The following SLC5A2 variants were observed in gnomAD, a reference collection of about 807,000 sequenced individuals.
The protein encoded by SLC5A2 is sodium/glucose cotransporter 2.
In SLC5A2, 67 loss-of-function variants were observed where a neutral mutation model predicts 69.0. That is an observed-to-expected ratio of 0.97 (90% CI 0.80 to 1.19). The LOEUF (loss-of-function observed/expected upper bound fraction) is 1.19, where lower values mean the gene tolerates loss of function less well. SLC5A2 is among the 50% of genes most tolerant of loss of function. The pLI, the probability that SLC5A2 is intolerant of heterozygous loss-of-function variation, is 0.00. For synonymous variants in SLC5A2, 455 were observed against 395.8 expected, an observed-to-expected ratio of 1.15 and a Z score of -1.78; for missense variants, 1,001 against 921.5, an observed-to-expected ratio of 1.09 and a Z score of -1.12.
rs374029198 is a variant in SLC5A2, at chr16:31,488,416, G to A, written c.1055G>A (p.Arg352Lys). 3 of 1,611,704 alleles carry A rather than the reference G, an allele frequency of 1.9e-6. No individual in the cohort carries two copies. Among genetic ancestry groups the A allele is most frequent in the Non-Finnish European group, 2.5e-6 (3 of 1,179,784 alleles). ...GCGTGCGTGGTGCCTGAGGTGTGCA[G>A]GCGCGTGTGCGGCACGGAGGTGGGC... ...EVACVVPEVC[R>K]RVCGTEVGCS... Residue 352 changes from arginine to lysine, a missense_variant, in exon 9 of 14, where the codon AGG (arginine) becomes AAG (lysine). Physicochemically the swap from Arg to Lys is conservative, Grantham distance 26. Transcript: ENST00000330498.
Position 31,487,313 on chromosome 16 carries a change from G to C in SLC5A2, c.575-7G>C, listed in dbSNP as rs1304916317. 1 of 1,613,830 alleles carries C rather than the reference G, an allele frequency of 6.2e-7. No individual in the cohort carries two copies. On this transcript the variant is annotated splice_polypyrimidine_tract_variant and splice_region_variant and intron_variant, in intron 5 of 13. Transcript: ENST00000330498. ...CTGGGCTGTCCCCTGACCCCGGCCT[G>C]TTGCAGGAGGGCTGGCCGCGCTGAT...
At position 31,488,994 on chromosome 16, in the gene SLC5A2, G is replaced by T; in HGVS notation, c.1395G>T (p.Pro465=). The T allele has an allele frequency of 6.2e-7, 1 of 1,600,762 alleles. No homozygotes were observed. The highest frequency in any genetic ancestry group is 8.5e-7 in the Non-Finnish European group (1 of 1,179,848). Residue 465 remains proline (P), a synonymous_variant, in exon 11 of 14, where the codon CCG becomes CCT. Coordinates refer to ENST00000330498, the MANE Select transcript of SLC5A2 (RefSeq NM_003041.4). ...YIQAVSSYLA[P]PVSAVFVLAL... ...AGGCAGTCTCTAGCTACCTGGCACC[G>T]CCCGTGTCCGCCGTCTTCGTGCTGG... is the stretch of plus-strand genomic sequence containing the variant.
intron 12 of SLC5A2, chr16:31,489,792 C>A: frequency 2.2e-6 from 1 of 459,760 alleles, no homozygotes; most frequent in Non-Finnish European, 4.0e-6. Context: ...AGCACACAGG[C>A]ACAGAACACT....
At chr16:31,489,891 C>T (rs746975838) in intron 12 of SLC5A2, 9 of 616,602 alleles carry the variant, frequency 1.5e-5, no homozygotes, top group South Asian at 5.4e-5. Flanking sequence ...GCAAGGCCAA[C>T]GGCTTTAAAC....
At position 31,488,937 on chromosome 16, in the gene SLC5A2, G is replaced by A. The variant is rs1032324819; in HGVS notation, c.1338G>A (p.Ala446=). Residue 446 remains alanine, a synonymous_variant, in exon 11 of 14, where the codon GCG becomes GCA. Transcript: ENST00000330498. Reference sequence around the variant, plus strand: ...TGGCCTGGCTTCCCGTGGTGCAGGCGGCACAGGGCGGGCAGCTCTTCGATT... The same window carrying A: ...TGGCCTGGCTTCCCGTGGTGCAGGCAGCACAGGGCGGGCAGCTCTTCGATT... The part of the protein sequence containing the change: ...VSVAWLPVVQ[A]AQGGQLFDYI... 2 of 1,604,250 alleles carry A rather than the reference G, an allele frequency of 1.2e-6. No homozygotes were observed. Among genetic ancestry groups the A allele is most frequent in the Non-Finnish European group, 1.7e-6 (2 of 1,179,870 alleles).
At chr16:31,485,079 C>A in intron 3 of SLC5A2, 156 bp downstream of exon 3, 2 of 765,940 alleles carry the variant, frequency 2.6e-6, no homozygotes, top group Non-Finnish European at 4.5e-6. Flanking sequence ...ATACATCTAG[C>A]CAGGAAGCAG....
Position 31,489,236 on chromosome 16 carries a change from C to A in SLC5A2, c.1563C>A (p.Leu521=). 1 of 1,610,544 alleles carries A rather than the reference C, an allele frequency of 6.2e-7. No homozygotes were observed. The highest frequency in any genetic ancestry group is 1.1e-5 in the South Asian group (1 of 91,092). The change falls in exon 12 of 14, where the codon CTC becomes CTA. Residue 521 remains leucine (L), a synonymous_variant. Coordinates refer to ENST00000330498, the MANE Select transcript of SLC5A2 (RefSeq NM_003041.4). ...AGCCCTCGGCGTGCCCAGCTTTCCT[C>A]TGCGGCGTGCACTACCTCTACTTCG... is the stretch of plus-strand genomic sequence containing the variant. ...CVQPSACPAF[L]CGVHYLYFAI...
chr16:31,490,178 C>A lies in SLC5A2; in HGVS notation c.1740C>A (p.Gly580=), dbSNP rs745742859. The A allele has an allele frequency of 1.2e-6, 2 of 1,614,202 alleles. No homozygotes were observed. Among genetic ancestry groups the A allele is most frequent in the Non-Finnish European group, 8.5e-7 (1 of 1,180,032 alleles). The change falls in exon 13 of 14, where the codon GGC becomes GGA. Residue 580 remains glycine (G), a synonymous_variant. Coordinates refer to ENST00000330498, the MANE Select transcript of SLC5A2 (RefSeq NM_003041.4). ...ACCTGGATGCTGATGAGCAGCAAGG[C>A]TCCTCACTCCCTGTACAGAATGGGT... ...REDLDADEQQ[G]SSLPVQNGCP...
chr16:31,488,170 C>A lies in SLC5A2; in HGVS notation c.1018C>A (p.Pro340Thr), dbSNP rs747900188. The change falls in exon 8 of 14, where the codon CCA (proline) becomes ACA (threonine). Residue 340 changes from proline (P) to threonine (T), a missense_variant. Physicochemically the swap from Pro to Thr is conservative, Grantham distance 38. Coordinates refer to ENST00000330498, the MANE Select transcript of SLC5A2 (RefSeq NM_003041.4). Reference protein sequence around the residue: ...MPGMISRILYPDEVACVVPEV... With the variant: ...MPGMISRILYTDEVACVVPEV... ...AGGCATGATCAGCCGCATTCTGTAC[C>A]CAGGTAACATCCCTGCCCCGCCCCT... The A allele has an allele frequency of 6.2e-7, 1 of 1,614,030 alleles. No homozygotes were observed. The highest frequency in any genetic ancestry group is 1.1e-5 in the South Asian group (1 of 91,086).
rs757410874 is a variant in SLC5A2, at chr16:31,488,972, C to T, written c.1373C>T (p.Ala458Val). ...GGGCAGCTCTTCGATTACATCCAGG[C>T]AGTCTCTAGCTACCTGGCACCGCCC... Reference protein sequence around the residue: ...QGGQLFDYIQAVSSYLAPPVS... With the variant: ...QGGQLFDYIQVVSSYLAPPVS... The change falls in exon 11 of 14, where the codon GCA (alanine) becomes GTA (valine). Residue 458 changes from alanine to valine, a missense_variant. Transcript: ENST00000330498. The T allele has an allele frequency of 1.2e-6, 2 of 1,602,000 alleles. No individual in the cohort carries two copies. The highest frequency in any genetic ancestry group is 2.2e-5 in the East Asian group (1 of 44,872).
Position 31,488,972 on chromosome 16 carries a change from C to G in SLC5A2, c.1373C>G (p.Ala458Gly), listed in dbSNP as rs757410874. 30 of 1,601,882 alleles carry G rather than the reference C, an allele frequency of 1.9e-5. No homozygotes were observed. The highest frequency in any genetic ancestry group is 2.5e-5 in the Non-Finnish European group (29 of 1,179,858). ...GGGCAGCTCTTCGATTACATCCAGG[C>G]AGTCTCTAGCTACCTGGCACCGCCC... Reference protein sequence around the residue: ...QGGQLFDYIQAVSSYLAPPVS... With the variant: ...QGGQLFDYIQGVSSYLAPPVS... Residue 458 changes from alanine to glycine, a missense_variant, in exon 11 of 14, where the codon GCA becomes GGA. Coordinates refer to ENST00000330498, the MANE Select transcript of SLC5A2 (RefSeq NM_003041.4).
Position 31,488,190 on chromosome 16 carries a change from G to A in SLC5A2, c.1021+17G>A, listed in dbSNP as rs765985844. 2 of 1,613,944 alleles carry A rather than the reference G, an allele frequency of 1.2e-6. No individual in the cohort carries two copies. Among genetic ancestry groups the A allele is most frequent in the Non-Finnish European group, 1.7e-6 (2 of 1,179,956 alleles). On this transcript the variant is annotated intron_variant, in intron 8 of 13. Transcript: ENST00000330498. The stretch of plus-strand genomic sequence containing the variant: ...TGTACCCAGGTAACATCCCTGCCCC[G>A]CCCCTTTCCTGTGCCAGCAACCGGG...
chr16:31,484,254 A>ACG (rs1245617149), intron 1 of SLC5A2, among the ~76,000 whole-genome samples: 7 of 150,162 alleles, frequency 4.7e-5, no homozygotes, highest in Non-Finnish European at 7.4e-5. Context: ...ACACACACAC[A>ACG]CACGCACACA....
rs748172348 is a variant in SLC5A2 at position 31,486,239 on chromosome 16, G to A, written c.538G>A (p.Ala180Thr). The A allele has an allele frequency of 5.6e-6, 9 of 1,613,866 alleles. No individual in the cohort carries two copies. The highest frequency in any genetic ancestry group is 1.7e-5 in the Admixed American group (1 of 59,996). ...LGWNIYASVIALLGITMIYTV... is the reference protein window; with the variant it reads ...LGWNIYASVITLLGITMIYTV... ...CTGGAACATCTATGCCTCCGTCATC[G>A]CGCTTCTGGGCATCACCATGATTTA... The change falls in exon 5 of 14, where the codon GCG becomes ACG. Residue 180 changes from alanine (A) to threonine (T), a missense_variant. By Grantham distance (58) the Ala-to-Thr change is moderately conservative. Coordinates refer to ENST00000330498, the MANE Select transcript of SLC5A2 (RefSeq NM_003041.4).
At chr16:31,487,185 C>T (rs1381662193) in intron 5 of SLC5A2, 135 bp from the exon 6 acceptor site, 3 of 905,540 alleles carry the variant, frequency 3.3e-6, no homozygotes, top group South Asian at 1.4e-5. Context: ...GCATGAGCCC[C>T]GAGAACAGGC....
In SLC5A2 at chr16:31,488,146, G is replaced by A; in HGVS notation, c.994G>A (p.Gly332Ser). The A allele has an allele frequency of 1.2e-6, 2 of 1,614,110 alleles. No individual in the cohort carries two copies. The highest frequency in any genetic ancestry group is 1.7e-6 in the Non-Finnish European group (2 of 1,180,000). ...GCCCATGTTTCTCATGGTCATGCCA[G>A]GCATGATCAGCCGCATTCTGTACCC... ...LTPMFLMVMP[G>S]MISRILYPDE... The change falls in exon 8 of 14, where the codon GGC becomes AGC. Residue 332 changes from glycine to serine, a missense_variant. Coordinates refer to ENST00000330498, the MANE Select transcript of SLC5A2 (RefSeq NM_003041.4).
rs758056009 is a variant in SLC5A2, at chr16:31,489,220, C to A, written c.1547C>A (p.Ala516Glu). 1.2e-6 allele frequency: 2 copies of A among 1,610,204 alleles called. No homozygotes were observed. The highest frequency in any genetic ancestry group is 1.7e-6 in the Non-Finnish European group (2 of 1,180,022). ...TCGGGCAGCTGTGTGCAGCCCTCGG[C>A]GTGCCCAGCTTTCCTCTGCGGCGTG... ...FGSGSCVQPS[A>E]CPAFLCGVHY... Residue 516 changes from alanine to glutamate, a missense_variant, in exon 12 of 14, where the codon GCG (alanine) becomes GAG (glutamate). Transcript: ENST00000330498.
chr16:31,484,412 ACT>A (rs1457867817), intron 1 of SLC5A2, among the ~76,000 whole-genome samples: 4 of 150,980 alleles, frequency 2.6e-5, no homozygotes, highest in African/African-American at 4.9e-5. Context: ...CAAGAGCAAG[ACT>A]CTGTCTCAAA....
Position 31,490,483 on chromosome 16 carries a change from A to G in SLC5A2, c.1967A>G (p.Asn656Ser). ...DPSWARVVNL[N>S]ALLMMAVAVF... ...AGCTGGGCCCGTGTGGTCAACCTCAATGCCCTGCTCATGATGGCAGTGGCC... is the reference window on the plus strand; with the variant it reads ...AGCTGGGCCCGTGTGGTCAACCTCAGTGCCCTGCTCATGATGGCAGTGGCC... Residue 656 changes from asparagine (N) to serine (S), a missense_variant, in exon 14 of 14, where the codon AAT becomes AGT. Coordinates refer to ENST00000330498, the MANE Select transcript of SLC5A2 (RefSeq NM_003041.4). 2 of 1,614,012 alleles carry G rather than the reference A, an allele frequency of 1.2e-6. No individual in the cohort carries two copies.
Sources: gnomAD v4.1 joint callset for allele counts (sites outside exome capture counted in the v4.1 genomes callset) on GRCh38, gnomAD v4.1.1 for gene constraint, MANE v1.5 for transcripts, NCBI Gene and HGNC (gene_info 2026-07-23, HGNC 2026-07-21) for gene names.